UNC5C: variants seen among roughly 807,000 people sequenced by gnomAD.
UNC5C encodes netrin receptor UNC5C.
In UNC5C, 47 loss-of-function variants were observed where a neutral mutation model predicts 99.8. That is an observed-to-expected ratio of 0.47 (90% CI 0.37 to 0.60). The LOEUF (loss-of-function observed/expected upper bound fraction) is 0.60, where lower values mean the gene tolerates loss of function less well. Among genes scored for constraint, UNC5C ranks in the 20% least tolerant of loss-of-function variants. The pLI is 0.00. For missense variants in UNC5C, 1,062 were observed against 1,165.9 expected, an observed-to-expected ratio of 0.91 and a Z score of 1.30; for synonymous variants, 487 against 452.2, an observed-to-expected ratio of 1.08 and a Z score of -0.98.
intron 14 of UNC5C, among the ~76,000 whole-genome samples, chr4:95,181,159 C>T (rs768027616): frequency 2.8e-4 from 42 of 152,306 alleles, no homozygotes; most frequent in Admixed American, 1.3e-3. Flanking sequence ...ACTTCTTCCC[C>T]GCCCTCAGTT....
chr4:95,242,672 C>G (rs562839878), intron 6 of UNC5C, 79 bp from the exon 7 acceptor site: 1 of 1,408,056 alleles, frequency 7.1e-7, no homozygotes, highest in South Asian at 1.5e-5. Flanking sequence ...AAATATAATA[C>G]AACAAAACAA....
chr4:95,201,751 C>A (rs1303176819), intron 12 of UNC5C, among the ~76,000 whole-genome samples: 1 of 152,046 alleles, frequency 6.6e-6, no homozygotes, highest in Non-Finnish European at 1.5e-5. Flanking sequence ...CTACAGATGC[C>A]TGCCATCATG....
intron 2 of UNC5C, among the ~76,000 whole-genome samples, chr4:95,321,296 G>T (rs945784820): frequency 2.6e-5 from 4 of 152,108 alleles, no homozygotes; most frequent in Non-Finnish European, 4.4e-5. Flanking sequence ...AAAACTTCAT[G>T]ACAACAATAG....
intron 1 of UNC5C, among the ~76,000 whole-genome samples, chr4:95,394,127 A>C (rs1745441200): frequency 6.6e-6 from 1 of 152,092 alleles, no homozygotes; most frequent in Non-Finnish European, 1.5e-5. Context: ...TGTGAAATAA[A>C]TCTACTCTTT....
At chr4:95,438,809 A>G (rs1385617513) in intron 1 of UNC5C, among the ~76,000 whole-genome samples, 3 of 152,138 alleles carry the variant, frequency 2.0e-5, no homozygotes, top group Non-Finnish European at 4.4e-5. Flanking sequence ...AGCTGATTTT[A>G]TTGATTGATT....
intron 1 of UNC5C, among the ~76,000 whole-genome samples, chr4:95,392,270 T>C (rs1342364385): frequency 6.6e-6 from 1 of 152,030 alleles, no homozygotes; most frequent in Non-Finnish European, 1.5e-5. Context: ...TTCTAGCATC[T>C]TCTGTGAGTC....
At chr4:95,287,663 G>T (rs1384257602) in intron 3 of UNC5C, among the ~76,000 whole-genome samples, 1 of 152,194 alleles carries the variant, frequency 6.6e-6, no homozygotes, top group Non-Finnish European at 1.5e-5. Flanking sequence ...ACAGGACTCT[G>T]GGAGGCCACA....
At chr4:95,292,266 T>TATATAA (rs1361082093) in intron 3 of UNC5C, among the ~76,000 whole-genome samples, 23 of 58,100 alleles carry the variant, frequency 4.0e-4, no homozygotes, top group South Asian at 8.3e-4. Flanking sequence ...TATATATATA[T>TATATAA]AAATTTTTTT....
intron 3 of UNC5C, among the ~76,000 whole-genome samples, chr4:95,289,481 TCA>T (rs1741364836): frequency 6.6e-6 from 1 of 152,230 alleles, no homozygotes; most frequent in Non-Finnish European, 1.5e-5. Context: ...GTACTATGAT[TCA>T]CATTTTCATA....
At chr4:95,522,903 C>CTTGTG (rs145709871) in intron 1 of UNC5C, among the ~76,000 whole-genome samples, 40,369 of 151,930 alleles carry the variant, frequency 0.27, 6,529 homozygotes, top group Non-Finnish European at 0.35. Flanking sequence ...ATGCCAGGGA[C>CTTGTG]CAGAGCAAAG....
At chr4:95,325,038 A>G (rs1469378695) in intron 2 of UNC5C, among the ~76,000 whole-genome samples, 2 of 152,234 alleles carry the variant, frequency 1.3e-5, no homozygotes, top group African/African-American at 4.8e-5. Context: ...ACATCTATTA[A>G]GAACTTATAA....
chr4:95,296,058 C>T (rs138941550), intron 3 of UNC5C, among the ~76,000 whole-genome samples: 6 of 152,278 alleles, frequency 3.9e-5, no homozygotes, highest in East Asian at 3.9e-4. Context: ...ATTGCACTCC[C>T]GTCTGGGACA....
intron 2 of UNC5C, among the ~76,000 whole-genome samples, chr4:95,329,958 C>A (rs1237553413): frequency 6.6e-6 from 1 of 152,066 alleles, no homozygotes. Context: ...CAACATCTAG[C>A]ATTTATTTTA....
chr4:95,365,805 T>C (rs1359066817), intron 1 of UNC5C, among the ~76,000 whole-genome samples: 1 of 152,178 alleles, frequency 6.6e-6, no homozygotes, highest in Non-Finnish European at 1.5e-5. Context: ...GGATGACTGA[T>C]GATTTCTAGA....
chr4:95,401,032 G>C lies in UNC5C; in HGVS notation c.125-65401C>G, dbSNP rs183329785. Among the ~76,000 whole-genome samples, 297 of 152,120 alleles carry C rather than the reference G, an allele frequency of 2.0e-3. 1 individual carries two copies. Among genetic ancestry groups the C allele is most frequent in the Non-Finnish European group, 3.1e-3 (208 of 67,984 alleles). On this transcript the variant is annotated intron_variant, in intron 1 of 15. Transcript: ENST00000453304. Reference sequence around the variant, plus strand: ...CTTTTATTTTAACGACTGAGTTTTTGGATGTTAAGGTATTCTCTTTTTATT... The same window carrying C: ...CTTTTATTTTAACGACTGAGTTTTTCGATGTTAAGGTATTCTCTTTTTATT...
In UNC5C at chr4:95,262,005, ATTC is replaced by A. The variant is rs1358495998; in HGVS notation, c.595-11341_595-11339del. The stretch of plus-strand genomic sequence containing the variant: ...GCATTAGCCACTGCGCCCAGTCTGC[ATTC>A]CTTCTTATAACTAATATCTCTAAGA... On this transcript the variant is annotated intron_variant, in intron 4 of 15. Coordinates refer to ENST00000453304, the MANE Select transcript of UNC5C (RefSeq NM_003728.4). Among the ~76,000 whole-genome samples the A allele has an allele frequency of 2.0e-5, 3 of 152,292 alleles. No individual in the cohort carries two copies. In the East Asian group the frequency reaches 5.8e-4, roughly 29 times the overall value.
chr4:95,496,277 A>T (rs1200919520), intron 1 of UNC5C, among the ~76,000 whole-genome samples: 1 of 151,814 alleles, frequency 6.6e-6, no homozygotes, highest in Non-Finnish European at 1.5e-5. Context: ...AAAAATGTCT[A>T]ATAACTTTTT....
At chr4:95,186,840 C>CCAGA (rs1314602759) in intron 12 of UNC5C, among the ~76,000 whole-genome samples, 10 of 152,102 alleles carry the variant, frequency 6.6e-5, no homozygotes, top group African/African-American at 2.4e-4. Flanking sequence ...CCACAGTCAG[C>CCAGA]CAGACACCTT....
intron 1 of UNC5C, among the ~76,000 whole-genome samples, chr4:95,429,736 G>A (rs1746582172): frequency 2.6e-5 from 4 of 152,090 alleles, no homozygotes; most frequent in Admixed American, 1.3e-4. Flanking sequence ...TGTCATTCCT[G>A]ACTGGCAGTT....
Sources: allele counts gnomAD v4.1 joint callset (sites outside exome capture counted in the v4.1 genomes callset), GRCh38; gene constraint gnomAD v4.1.1; transcripts MANE v1.5; gene names NCBI Gene and HGNC (gene_info 2026-07-23, HGNC 2026-07-21).